Variants in ERC2 observed in about 807,000 individuals in gnomAD.
The protein encoded by ERC2 is ELKS/RAB6-interacting/CAST family member 2.
A neutral mutation model predicts 114.8 loss-of-function variants in ERC2; 42 were observed. The observed-to-expected ratio is 0.37, with a 90% CI of 0.29 to 0.47. The LOEUF (loss-of-function observed/expected upper bound fraction) is 0.47. ERC2 is among the 20% of genes least tolerant of loss of function. ERC2 has a pLI of 0.99. For missense variants in ERC2, 939 were observed against 1,150.7 expected (o/e 0.82, Z 2.66); for synonymous variants, 454 against 425.5 (o/e 1.07, Z -0.82).
intron 7 of ERC2, among the ~76,000 whole-genome samples, chr3:56,068,160 T>C (rs2076566636): frequency 6.6e-6 from 1 of 152,238 alleles, no homozygotes; most frequent in South Asian, 2.1e-4. Flanking sequence ...TGTGAATCCA[T>C]CTGCTCCTGG....
intron 17 of ERC2, among the ~76,000 whole-genome samples, chr3:55,650,336 C>T (rs868005971): frequency 6.6e-6 from 1 of 152,108 alleles, no homozygotes; most frequent in Admixed American, 6.5e-5. Context: ...TGGATACCAC[C>T]CACCTCTCCA....
chr3:56,016,526 A>G (rs1010885138), intron 8 of ERC2, among the ~76,000 whole-genome samples: 2 of 151,044 alleles, frequency 1.3e-5, no homozygotes, highest in Non-Finnish European at 2.9e-5. Flanking sequence ...TGGTTCTCAG[A>G]CTAGAGTTTA....
intron 4 of ERC2, among the ~76,000 whole-genome samples, chr3:56,161,400 A>T (rs1467381595): frequency 6.6e-6 from 1 of 152,246 alleles, no homozygotes; most frequent in Non-Finnish European, 1.5e-5. Context: ...TTGGTTCCAT[A>T]TGAAGTTTAG....
chr3:56,163,396 T>A (rs538580775), intron 4 of ERC2, among the ~76,000 whole-genome samples: 1 of 152,152 alleles, frequency 6.6e-6, no homozygotes, highest in African/African-American at 2.4e-5. Flanking sequence ...TGGTCAAGTG[T>A]TGTGTTTAAG....
chr3:55,836,237 G>A (rs775309606), intron 14 of ERC2, among the ~76,000 whole-genome samples: 1 of 152,136 alleles, frequency 6.6e-6, no homozygotes, highest in Non-Finnish European at 1.5e-5. Context: ...TTTCTTCACA[G>A]AATTGGAAAA....
At position 55,936,412 on chromosome 3, in the gene ERC2, C is replaced by T. The variant is rs541310821; in HGVS notation, c.2403+14013G>A. Among the ~76,000 whole-genome samples, 5 of 152,240 alleles carry T rather than the reference C, an allele frequency of 3.3e-5. No homozygotes were observed. The South Asian group carries it at 8.3e-4, about 25-fold the overall frequency. ...GGATGATGGACAAAGTGCCTATGTGCTCATGGGAAAGACAGATAAGTATAC... is the reference window on the plus strand; with the variant it reads ...GGATGATGGACAAAGTGCCTATGTGTTCATGGGAAAGACAGATAAGTATAC... On this transcript the variant is annotated intron_variant, in intron 13 of 17. Coordinates refer to ENST00000288221, the MANE Select transcript of ERC2 (RefSeq NM_015576.3).
chr3:55,992,188 G>A lies in ERC2; in HGVS notation c.2124C>T (p.Leu708=), dbSNP rs769156169. 9.9e-6 allele frequency: 16 copies of A among 1,613,606 alleles called. No individual in the cohort carries two copies. The East Asian group carries it at 2.2e-4, about 22-fold the overall frequency. The part of the protein sequence containing the change: ...NPEFADQIKQ[L]DKEASYYRDE... ...CGCGGTAGTAAGACGCCTCTTTATC[G>A]AGCTGTTTTATTTGGTCTGCAAACT... The change falls in exon 11 of 18, where the codon CTC becomes CTT. Residue 708 remains leucine (L), a synonymous_variant. Coordinates refer to ENST00000288221, the MANE Select transcript of ERC2 (RefSeq NM_015576.3).
intron 2 of ERC2, among the ~76,000 whole-genome samples, chr3:56,415,716 G>A (rs2061124527): frequency 6.6e-6 from 1 of 152,166 alleles, no homozygotes; most frequent in South Asian, 2.1e-4. Flanking sequence ...GCCTTTACTT[G>A]TAAAATTTTC....
chr3:56,299,752 T>C (rs1245351311), intron 2 of ERC2, among the ~76,000 whole-genome samples: 2 of 152,202 alleles, frequency 1.3e-5, no homozygotes, highest in African/African-American at 2.4e-5. Flanking sequence ...TTCTTGACCA[T>C]GGCAAATCTT....
intron 3 of ERC2, among the ~76,000 whole-genome samples, chr3:56,276,459 T>TAAAAAGAAAAAAAA (rs2053995898): frequency 2.4e-5 from 2 of 82,916 alleles, no homozygotes; most frequent in African/African-American, 4.3e-5. Flanking sequence ...CAAACTCAGC[T>TAAAAAGAAAAAAAA]AAAAAAAAAA....
intron 13 of ERC2, among the ~76,000 whole-genome samples, chr3:55,913,614 A>T (rs2064936405): frequency 6.6e-6 from 1 of 152,210 alleles, no homozygotes; most frequent in Non-Finnish European, 1.5e-5. Flanking sequence ...AGGAAAAAAA[A>T]ATATTTTATG....
At chr3:55,530,235 G>A (rs1287650656) in intron 17 of ERC2, among the ~76,000 whole-genome samples, 3 of 152,208 alleles carry the variant, frequency 2.0e-5, no homozygotes, top group Non-Finnish European at 2.9e-5. Flanking sequence ...CTATGGACCA[G>A]GGATTGGTAA....
intron 2 of ERC2, among the ~76,000 whole-genome samples, chr3:56,423,337 T>C (rs963881210): frequency 6.6e-6 from 1 of 152,268 alleles, no homozygotes; most frequent in African/African-American, 2.4e-5. Flanking sequence ...TTGTATCTAC[T>C]GGCATTCTGA....
intron 1 of ERC2, among the ~76,000 whole-genome samples, chr3:56,462,938 C>T (rs1035201417): frequency 4.6e-5 from 7 of 152,208 alleles, no homozygotes; most frequent in East Asian, 1.9e-4. Context: ...TTGTAAGACA[C>T]GATTTTGGCT....
intron 7 of ERC2, among the ~76,000 whole-genome samples, chr3:56,067,994 A>C (rs1188721611): frequency 6.6e-6 from 1 of 152,080 alleles, no homozygotes. Flanking sequence ...TATTGGCCTG[A>C]ATTTTTTGTT....
At chr3:56,217,333 T>C (rs1357210030) in intron 3 of ERC2, among the ~76,000 whole-genome samples, 2 of 152,128 alleles carry the variant, frequency 1.3e-5, no homozygotes, top group African/African-American at 4.8e-5. Flanking sequence ...ACAAGCATTC[T>C]TATACACCAA....
intron 3 of ERC2, among the ~76,000 whole-genome samples, chr3:56,217,627 G>T (rs1046590077): frequency 2.0e-5 from 3 of 151,994 alleles, no homozygotes; most frequent in African/African-American, 7.3e-5. Flanking sequence ...TCACAGAATT[G>T]GAAAAAACTA....
At chr3:56,253,023 G>T (rs563187820) in intron 3 of ERC2, among the ~76,000 whole-genome samples, 6 of 152,236 alleles carry the variant, frequency 3.9e-5, no homozygotes, top group African/African-American at 1.4e-4. Context: ...GGTGGTCCTG[G>T]CTAAGTGGTC....
chr3:56,280,229 T>C (rs1454704544), intron 3 of ERC2, among the ~76,000 whole-genome samples: 2 of 152,136 alleles, frequency 1.3e-5, no homozygotes, highest in Admixed American at 1.3e-4. Context: ...GGCAAGGGAA[T>C]GAATTCCCCC....
Sources: allele counts gnomAD v4.1 joint callset (sites outside exome capture counted in the v4.1 genomes callset), GRCh38; gene constraint gnomAD v4.1.1; transcripts MANE v1.5; gene names NCBI Gene and HGNC (gene_info 2026-07-23, HGNC 2026-07-21).